Variants in NAALADL2 observed in about 807,000 individuals in gnomAD.
NAALADL2 encodes inactive N-acetylated-alpha-linked acidic dipeptidase-like protein 2.
Under a neutral mutation model 87.2 loss-of-function variants are expected in NAALADL2, and 76 were observed. The ratio of observed to expected loss-of-function variants is 0.87; its 90% CI spans 0.72 to 1.05. NAALADL2 has a LOEUF of 1.05. Among genes scored for constraint, NAALADL2 ranks in the 50% least tolerant of loss-of-function variants. The pLI is 0.00. For synonymous variants in NAALADL2, 354 were observed against 331.0 expected, an observed-to-expected ratio of 1.07 and a Z score of -0.75; for missense variants, 1,089 against 945.8, an observed-to-expected ratio of 1.15 and a Z score of -1.99.
intron 3 of NAALADL2, among the ~76,000 whole-genome samples, chr3:174,812,036 A>T (rs963732305): frequency 1.3e-5 from 2 of 152,056 alleles, no homozygotes; most frequent in Admixed American, 6.6e-5. Flanking sequence ...CCATGAGTAA[A>T]AGCTCTCTGA....
intron 2 of NAALADL2, among the ~76,000 whole-genome samples, chr3:174,672,997 A>G (rs1726716005): frequency 6.6e-6 from 1 of 152,088 alleles, no homozygotes; most frequent in Admixed American, 6.6e-5. Context: ...ATATTTTCAC[A>G]AAATCCCTTT....
intron 13 of NAALADL2, among the ~76,000 whole-genome samples, chr3:175,778,091 A>G (rs114981490): frequency 2.3e-3 from 352 of 152,298 alleles, no homozygotes; most frequent in African/African-American, 8.3e-3. Context: ...TGTGACTAAC[A>G]TATGTCTGGC....
chr3:175,072,694 G>T (rs1335271552), intron 1 of NAALADL2, among the ~76,000 whole-genome samples: 1 of 82,282 alleles, frequency 1.2e-5, no homozygotes, highest in Admixed American at 2.1e-4. Flanking sequence ...AAAACGGGGT[G>T]GGGGGAGGGG....
intron 3 of NAALADL2, among the ~76,000 whole-genome samples, chr3:174,811,880 G>A (rs1246492162): frequency 6.6e-6 from 1 of 152,110 alleles, no homozygotes; most frequent in African/African-American, 2.4e-5. Context: ...GATCCTTTAT[G>A]AATGCTTTAG....
intron 2 of NAALADL2, among the ~76,000 whole-genome samples, chr3:175,140,411 C>G (rs9840762): frequency 0.076 from 11,595 of 152,046 alleles, 1,147 homozygotes; most frequent in African/African-American, 0.23. Context: ...TGCAACACAC[C>G]ATAGTGTGCT....
chr3:174,761,267 T>C (rs1050677482), intron 3 of NAALADL2, among the ~76,000 whole-genome samples: 4 of 152,186 alleles, frequency 2.6e-5, no homozygotes, highest in African/African-American at 7.2e-5. Flanking sequence ...CCCCTAATTA[T>C]GGAATATCTT....
At chr3:175,334,780 A>T (rs766271004) in intron 5 of NAALADL2, among the ~76,000 whole-genome samples, 3 of 152,200 alleles carry the variant, frequency 2.0e-5, no homozygotes, top group Non-Finnish European at 4.4e-5. Flanking sequence ...TGTGGAAAAC[A>T]GGGAGCACAG....
chr3:175,731,145 C>T (rs868298643), intron 11 of NAALADL2, among the ~76,000 whole-genome samples: 2 of 152,088 alleles, frequency 1.3e-5, no homozygotes, highest in Admixed American at 6.6e-5. Flanking sequence ...ACTTAAACCT[C>T]GTGTTATAGC....
intron 10 of NAALADL2, among the ~76,000 whole-genome samples, chr3:175,610,795 A>G (rs1221233121): frequency 6.6e-6 from 1 of 152,132 alleles, no homozygotes; most frequent in African/African-American, 2.4e-5. Context: ...TATAATAATA[A>G]TAATGTGTTG....
Position 175,578,830 on chromosome 3 carries a change from C to T in NAALADL2, c.1800+2643C>T, listed in dbSNP as rs545938442. Among the ~76,000 whole-genome samples the T allele has an allele frequency of 7.9e-5, 12 of 152,290 alleles. No homozygotes were observed. In the South Asian group the frequency reaches 8.3e-4, roughly 11 times the overall value. On this transcript the variant is annotated intron_variant, in intron 10 of 13. Transcript: ENST00000454872. ...GGAAATATTGTGTACTTTTTCTCCACGGAAACAATCAACTAAATGGGCACT... is the reference window on the plus strand; with the variant it reads ...GGAAATATTGTGTACTTTTTCTCCATGGAAACAATCAACTAAATGGGCACT...
chr3:174,646,465 G>T (rs1044830883), intron 2 of NAALADL2, among the ~76,000 whole-genome samples: 2 of 152,146 alleles, frequency 1.3e-5, no homozygotes, highest in African/African-American at 2.4e-5. Context: ...GTGTTTGTGT[G>T]TGTGTGCACA....
Position 175,755,515 on chromosome 3 carries a change from G to A in NAALADL2, c.2189+97G>A, listed in dbSNP as rs569432110. 15 of 838,274 alleles carry A rather than the reference G, an allele frequency of 1.8e-5. No individual in the cohort carries two copies. The East Asian group carries it at 2.8e-4, about 16-fold the overall frequency. The allele number at this position is 838,274 out of a possible 1,614,324, so 51.9% of individuals were successfully genotyped here. A position where few individuals can be genotyped will look rare whatever the true frequency, so the allele number is the denominator to read the frequency against. On this transcript the variant is annotated intron_variant, in intron 13 of 13. Coordinates refer to ENST00000454872, the MANE Select transcript of NAALADL2 (RefSeq NM_207015.3). ...TACCTTCTATGAACATAACAGTAGT[G>A]TAAAAGAAATTATAAAGCAGTTACT... is the stretch of plus-strand genomic sequence containing the variant.
At chr3:175,308,706 G>A (rs116787628) in intron 4 of NAALADL2, among the ~76,000 whole-genome samples, 332 of 152,268 alleles carry the variant, frequency 2.2e-3, no homozygotes, top group African/African-American at 7.6e-3. Context: ...TCTGGACTAG[G>A]GAAGTGGAAT....
intron 1 of NAALADL2, among the ~76,000 whole-genome samples, chr3:175,043,307 G>T (rs1300830812): frequency 1.3e-5 from 2 of 152,018 alleles, no homozygotes; most frequent in Admixed American, 1.3e-4. Context: ...GGCACAATCT[G>T]GGCTCACTGC....
intron 1 of NAALADL2, chr3:174,523,598 G>A (rs1366549095): frequency 1.3e-5 from 2 of 152,170 alleles, no homozygotes; most frequent in African/African-American, 4.8e-5. Flanking sequence ...ACACATAGTG[G>A]CAACAATGGA....
At position 175,110,756 on chromosome 3, in the gene NAALADL2, G is replaced by A. The variant is rs181035090; in HGVS notation, c.545+13465G>A. 2.2e-4 allele frequency among the ~76,000 whole-genome samples: 33 copies of A among 151,786 alleles called. No homozygotes were observed. In the East Asian group the frequency reaches 6.4e-3, roughly 29 times the overall value. ...GCAGAAAGATAAATTTGGGGATTGC[G>A]GAAAATGTCACTTAGAAAATAATTT... On this transcript the variant is annotated intron_variant, in intron 2 of 13. Transcript: ENST00000454872.
At chr3:175,093,429 T>TATAA (rs551846235) in intron 1 of NAALADL2, among the ~76,000 whole-genome samples, 2,739 of 146,086 alleles carry the variant, frequency 0.019, 92 homozygotes, top group African/African-American at 0.06. Flanking sequence ...TATATATATA[T>TATAA]ATATGTTTTA....
intron 2 of NAALADL2, among the ~76,000 whole-genome samples, chr3:174,619,435 G>T (rs1330402912): frequency 7.9e-5 from 12 of 152,034 alleles, no homozygotes; most frequent in African/African-American, 2.6e-4. Context: ...TCTCCCTAGA[G>T]TGTGTGCTTT....
intron 1 of NAALADL2, among the ~76,000 whole-genome samples, chr3:175,067,819 G>A (rs2109123195): frequency 6.6e-6 from 1 of 152,120 alleles, no homozygotes; most frequent in Non-Finnish European, 1.5e-5. Context: ...ATTCAAAATA[G>A]CAAAGACATG....
Sources: gnomAD v4.1 joint callset for allele counts (sites outside exome capture counted in the v4.1 genomes callset) on GRCh38, gnomAD v4.1.1 for gene constraint, MANE v1.5 for transcripts, NCBI Gene and HGNC (gene_info 2026-07-23, HGNC 2026-07-21) for gene names.